The following PLEC variants were observed in gnomAD, a reference collection of about 807,000 sequenced individuals.
PLEC encodes the protein hemidesmosomal protein 1.
A neutral mutation model predicts 392.8 loss-of-function variants in PLEC; 216 were observed. The ratio of observed to expected loss-of-function variants is 0.55; its 90% CI spans 0.49 to 0.62. The LOEUF (loss-of-function observed/expected upper bound fraction) is 0.62, where lower values mean the gene tolerates loss of function less well. Ranked by LOEUF, PLEC falls within the 20% of genes least tolerant of loss-of-function variation. PLEC has a pLI of 0.00. For missense variants in PLEC, 6,863 were observed against 6,563.4 expected (o/e 1.05, Z -1.58); for synonymous variants, 3,621 against 2,980.6 (o/e 1.21, Z -7.00).
upstream of PLEC, among the ~76,000 whole-genome samples, chr8:143,953,284 C>CA (rs1554737963): frequency 6.9e-6 from 1 of 145,962 alleles, no homozygotes; most frequent in East Asian, 2.1e-4. Flanking sequence ...CAAAGAGCCG[C>CA]AGTGTGGACT....
chr8:143,919,959 G>C lies in PLEC; in HGVS notation c.9862C>G (p.Leu3288Val). The C allele has an allele frequency of 6.2e-7, 1 of 1,613,420 alleles. No individual in the cohort carries two copies. Among genetic ancestry groups the C allele is most frequent in the Non-Finnish European group, 8.5e-7 (1 of 1,180,032 alleles). Residue 3288 changes from leucine (L) to valine (V), a missense_variant, in exon 32 of 32, where the codon CTC becomes GTC. Transcript: ENST00000345136. ...KVTVEKVIKI[L>V]ITIVEEVETL... Reference sequence around the variant, plus strand: ...TCCACCTCCTCCACGATGGTAATGAGAATCTTGATGACCTTCTCCACGGTG... The same window carrying C: ...TCCACCTCCTCCACGATGGTAATGACAATCTTGATGACCTTCTCCACGGTG...
intron 3 of PLEC, 88 bp downstream of exon 3, chr8:143,938,063 G>T: frequency 1.1e-6 from 1 of 912,682 alleles, no homozygotes; most frequent in Non-Finnish European, 1.7e-6. Context: ...AAGTAGAGTG[G>T]GCGGCCGGAG....
chr8:143,931,860 T>G, intron 18 of PLEC, 77 bp downstream of exon 18: 1 of 1,441,774 alleles, frequency 6.9e-7, no homozygotes, highest in South Asian at 1.2e-5. Context: ...GGCTCCTGAT[T>G]GGAGCTGCCG....
intron 1 of PLEC, chr8:143,946,395 C>A: frequency 7.8e-7 from 1 of 1,288,778 alleles, no homozygotes. Flanking sequence ...CTGTCCATGG[C>A]TGCCACACAG....
chr8:143,954,321 C>A (rs1013699790), upstream of PLEC, among the ~76,000 whole-genome samples: 1 of 133,444 alleles, frequency 7.5e-6, no homozygotes, highest in African/African-American at 3.2e-5. This position sits in a 1 kb window ranked among gnomAD's most constrained non-coding sequence, Gnocchi z 4.6. Context: ...CCGGCCCCAG[C>A]AGTGTGCCCC....
Position 143,935,282 on chromosome 8 carries a change from G to A in PLEC, c.634C>T (p.Arg212Trp), listed in dbSNP as rs374195373. Residue 212 changes from arginine to tryptophan, a missense_variant, in exon 7 of 32, where the codon CGG becomes TGG. Arg to Trp is a moderately radical substitution (Grantham distance 101, BLOSUM62 -3). Coordinates refer to ENST00000345136, the MANE Select transcript of PLEC (RefSeq NM_201384.3). ...TCCAGGTTCTCCAGGTTGGTCTGCC[G>A]GTACACCTTGTTCATGTCGATGAGC... ...PLLIDMNKVY[R>W]QTNLENLDQA... 132 of 1,608,914 alleles carry A rather than the reference G, an allele frequency of 8.2e-5. No homozygotes were observed. The African/African-American group carries it at 8.4e-4, about 10-fold the overall frequency.
At chr8:143,933,375 G>A (rs141017863) in intron 12 of PLEC, 24 bp from the exon 13 acceptor site, 190 of 1,605,708 alleles carry the variant, frequency 1.2e-4, no homozygotes, top group Admixed American at 2.7e-4. Context: ...GCCATGACTC[G>A]GAGCACAGCT....
chr8:143,954,419 T>C (rs58579887), upstream of PLEC, among the ~76,000 whole-genome samples: 69,697 of 152,022 alleles, frequency 0.46, 17,388 homozygotes, highest in African/African-American at 0.66. This position sits in a 1 kb window ranked among gnomAD's most constrained non-coding sequence, Gnocchi z 4.6. Flanking sequence ...TGCACCCTGG[T>C]CTCTGCCTCT....
At chr8:143,943,870 C>G, upstream of PLEC, 1 of 1,612,040 alleles carries the variant, frequency 6.2e-7, no homozygotes, top group African/African-American at 1.3e-5. Flanking sequence ...GGGAGGGAAA[C>G]AGGCTGCCCG....
At chr8:143,949,897 G>A (rs1330705026) in intron 1 of PLEC, among the ~76,000 whole-genome samples, 2 of 152,166 alleles carry the variant, frequency 1.3e-5, no homozygotes, top group Admixed American at 1.3e-4. Context: ...GCGAAGGCAA[G>A]GGCAGTGTTG....
rs373775314 is a variant in PLEC, at chr8:143,923,603, C to T, written c.6326G>A (p.Arg2109Gln). Residue 2109 changes from arginine (R) to glutamine (Q), a missense_variant, in exon 31 of 32, where the codon CGG (arginine) becomes CAG (glutamine). By Grantham distance (43) the Arg-to-Gln change is conservative. Coordinates refer to ENST00000345136, the MANE Select transcript of PLEC (RefSeq NM_201384.3). ...QAEREAAQSR[R>Q]QVEEAERLKQ... Reference sequence around the variant, plus strand: ...CAGCCGCTCGGCCTCTTCCACCTGCCGCCGGGACTGCGCCGCCTCACGCTC... The same window carrying T: ...CAGCCGCTCGGCCTCTTCCACCTGCTGCCGGGACTGCGCCGCCTCACGCTC... 3.1e-5 allele frequency: 50 copies of T among 1,593,354 alleles called. No homozygotes were observed. Among genetic ancestry groups the T allele is most frequent in the Admixed American group, 5.0e-5 (3 of 59,640 alleles).
intron 19 of PLEC, among the ~76,000 whole-genome samples, chr8:143,930,887 C>T (rs1011306401): frequency 1.3e-5 from 2 of 152,174 alleles, no homozygotes; most frequent in East Asian, 1.9e-4. Context: ...GGGGCCAGGC[C>T]GCAGGACGGC....
chr8:143,948,185 C>T (rs902312999), intron 1 of PLEC, among the ~76,000 whole-genome samples: 9 of 152,198 alleles, frequency 5.9e-5, no homozygotes, highest in Non-Finnish European at 1.3e-4. Context: ...AGGGGCCTCA[C>T]TGCAGGGGTA....
At chr8:143,945,272 G>A (rs781996056) in intron 1 of PLEC, 2 of 481,314 alleles carry the variant, frequency 4.2e-6, no homozygotes, top group Non-Finnish European at 8.4e-6. Flanking sequence ...CCACAGCACA[G>A]CCTCTCCTGG....
At chr8:143,954,972 T>C (rs1832509852), upstream of PLEC, among the ~76,000 whole-genome samples, 1 of 152,022 alleles carries the variant, frequency 6.6e-6, no homozygotes, top group African/African-American at 2.4e-5. The surrounding 1 kb of genome is among the most constrained non-coding windows in gnomAD (Gnocchi z 4.6). Flanking sequence ...GTGACCATGA[T>C]CCAGGAGCGA....
Position 143,927,886 on chromosome 8 carries a change from G to C in PLEC, c.3367C>G (p.Pro1123Ala). The C allele has an allele frequency of 6.3e-7, 1 of 1,593,126 alleles. No individual in the cohort carries two copies. The highest frequency in any genetic ancestry group is 8.5e-7 in the Non-Finnish European group (1 of 1,170,666). ...KEAQAVPATL[P>A]ELEATKASLK... ...GAGGCCTTGGTGGCCTCGAGCTCCG[G>C]GAGGGTGGCCGGCACGGCCTGGGCC... The change falls in exon 26 of 32, where the codon CCG becomes GCG. Residue 1123 changes from proline to alanine, a missense_variant. Pro to Ala is a conservative substitution (Grantham distance 27). Transcript: ENST00000345136.
At chr8:143,965,059 G>A (rs1833024990) in intron 1 of PLEC, among the ~76,000 whole-genome samples, 1 of 95,878 alleles carries the variant, frequency 1.0e-5, no homozygotes, top group African/African-American at 4.0e-5. Context: ...CGTCCCACTT[G>A]GCCCCAGCCC....
rs1554716153 is a variant in PLEC, at chr8:143,932,046, G to A, written c.2083-14C>T. 1.3e-6 allele frequency: 2 copies of A among 1,576,934 alleles called. No individual in the cohort carries two copies. Among genetic ancestry groups the A allele is most frequent in the Admixed American group, 3.6e-5 (2 of 55,452 alleles). The stretch of plus-strand genomic sequence containing the variant: ...CGCCTGGAAGGACTGCGGGACAGCA[G>A]GTCCCGGTCAGGCCCCGCCCCGCCC... On this transcript the variant is annotated splice_polypyrimidine_tract_variant and intron_variant, in intron 17 of 31. Transcript: ENST00000345136.
chr8:143,917,758 C>T lies in PLEC; in HGVS notation c.12063G>A (p.Lys4021=), dbSNP rs368187102. The part of the protein sequence containing the change: ...VTGYKDPYSG[K]LISLFQAMKK... ...TCATGGCCTGGAAGAGGGAGATGAGCTTCCCAGAGTAGGGGTCCTTGTACC... is the reference window on the plus strand; with the variant it reads ...TCATGGCCTGGAAGAGGGAGATGAGTTTCCCAGAGTAGGGGTCCTTGTACC... Residue 4021 remains lysine (K), a synonymous_variant, in exon 32 of 32, where the codon AAG becomes AAA. Transcript: ENST00000345136. The T allele has an allele frequency of 6.2e-5, 100 of 1,613,456 alleles. No homozygotes were observed. The highest frequency in any genetic ancestry group is 8.3e-5 in the Non-Finnish European group (98 of 1,180,012).
Sources: gnomAD v4.1 joint callset for allele counts (sites outside exome capture counted in the v4.1 genomes callset) on GRCh38, gnomAD v4.1.1 for gene constraint, Gnocchi (gnomAD v3.1) non-coding constraint, MANE v1.5 for transcripts, NCBI Gene and HGNC (gene_info 2026-07-23, HGNC 2026-07-21) for gene names.